The following HERC5 variants were observed in gnomAD, a reference collection of about 807,000 sequenced individuals.
HERC5 encodes the protein E3 ISG15--protein ligase HERC5.
In HERC5, 99 loss-of-function variants were observed where a neutral mutation model predicts 119.6. That is an observed-to-expected ratio of 0.83 (90% CI 0.70 to 0.98). The LOEUF (loss-of-function observed/expected upper bound fraction) is 0.98, where lower values mean the gene tolerates loss of function less well. HERC5 is among the 50% of genes least tolerant of loss of function. HERC5 has a pLI of 0.00. For missense variants in HERC5, 1,267 were observed against 1,241.3 expected (o/e 1.02, Z -0.31); for synonymous variants, 478 against 445.9 (o/e 1.07, Z -0.91).
rs1742084102 is a variant in HERC5, at chr4:88,505,656, TTTA to T, written c.2870-14_2870-12del. On this transcript the variant is annotated splice_polypyrimidine_tract_variant and intron_variant, in intron 22 of 22. Transcript: ENST00000264350. ...CTCCATGTAAAACAGATTGCCTAATTTTATTCTTCTTTTTAGTATTTCTTACAG... is the reference window on the plus strand; with the variant it reads ...CTCCATGTAAAACAGATTGCCTAATTTTCTTCTTTTTAGTATTTCTTACAG... 3.5e-6 allele frequency: 5 copies of T among 1,438,068 alleles called. No individual in the cohort carries two copies. The South Asian group carries it at 6.1e-5, about 18-fold the overall frequency. The allele number at this position is 1,438,068 out of a possible 1,614,324, so 89.1% of individuals were successfully genotyped here. A position where few individuals can be genotyped will look rare whatever the true frequency, so the allele number is the denominator to read the frequency against.
At chr4:88,486,611 G>A (rs1357848011) in intron 14 of HERC5, among the ~76,000 whole-genome samples, 1 of 152,176 alleles carries the variant, frequency 6.6e-6, no homozygotes, top group African/African-American at 2.4e-5. Context: ...TGAAAATACA[G>A]TTGAAGGGCT....
At chr4:88,488,479 G>C (rs926297440) in intron 15 of HERC5, among the ~76,000 whole-genome samples, 1 of 151,994 alleles carries the variant, frequency 6.6e-6, no homozygotes, top group Non-Finnish European at 1.5e-5. Context: ...TGATCCGCCC[G>C]CCTCAGCCTC....
intron 18 of HERC5, among the ~76,000 whole-genome samples, chr4:88,498,199 C>T (rs1741851347): frequency 6.6e-6 from 1 of 152,180 alleles, no homozygotes; most frequent in South Asian, 2.1e-4. Context: ...AGAGCCCCCA[C>T]TAAGGCAATG....
At chr4:88,486,374 G>GA in intron 14 of HERC5, 146 bp downstream of exon 14, 1 of 549,304 alleles carries the variant, frequency 1.8e-6, no homozygotes, top group Non-Finnish European at 3.3e-6. Flanking sequence ...TTTGCAGTCA[G>GA]AGTTCCAGCA....
intron 1 of HERC5, 75 bp downstream of exon 1, chr4:88,457,609 C>G (rs1578459675): frequency 8.2e-7 from 1 of 1,213,270 alleles, no homozygotes; most frequent in Non-Finnish European, 1.0e-6. Context: ...GGCGGGCAGC[C>G]GGGGGTCCGC....
chr4:88,483,639 G>A (rs377553054), intron 13 of HERC5, among the ~76,000 whole-genome samples: 8 of 147,858 alleles, frequency 5.4e-5, no homozygotes, highest in Admixed American at 4.9e-4. Context: ...AGCTATCGTC[G>A]TGCCTCAGCT....
intron 6 of HERC5, among the ~76,000 whole-genome samples, 183 bp downstream of exon 6, chr4:88,464,168 A>ATTTTTTTTTTTTTTT (rs374132307): frequency 9.0e-6 from 1 of 111,218 alleles, no homozygotes; most frequent in Non-Finnish European, 1.9e-5. Flanking sequence ...GTTTTCTTTG[A>ATTTTTTTTTTTTTTT]TTTTTTTTTT....
intron 6 of HERC5, among the ~76,000 whole-genome samples, chr4:88,465,075 C>T (rs560616194): frequency 2.6e-5 from 4 of 152,138 alleles, no homozygotes; most frequent in East Asian, 1.9e-4. Flanking sequence ...TGGCCACAAC[C>T]GGCTAATTTT....
At chr4:88,497,858 GC>G (rs1741842570) in intron 18 of HERC5, among the ~76,000 whole-genome samples, 1 of 152,186 alleles carries the variant, frequency 6.6e-6, no homozygotes, top group African/African-American at 2.4e-5. Context: ...ATCACTGGGG[GC>G]TGTCACTCCC....
chr4:88,472,921 CTTTT>C (rs775630233), intron 11 of HERC5: 2 of 128,164 alleles, frequency 1.6e-5, no homozygotes, highest in Non-Finnish European at 1.7e-5. Context: ...TGCCTGGATT[CTTTT>C]TTTTTTTTTT....
At chr4:88,465,351 A>G (rs1740624069) in intron 6 of HERC5, among the ~76,000 whole-genome samples, 1 of 152,224 alleles carries the variant, frequency 6.6e-6, no homozygotes, top group South Asian at 2.1e-4. Context: ...CGTAGAGCAA[A>G]ATTCAGACTG....
intron 6 of HERC5, among the ~76,000 whole-genome samples, chr4:88,465,329 T>TC (rs936879409): frequency 4.6e-5 from 7 of 152,228 alleles, no homozygotes; most frequent in Admixed American, 6.5e-5. Flanking sequence ...GGGCAGTTTT[T>TC]CCCTCACTAA....
chr4:88,460,114 GAAA>G lies in HERC5; in HGVS notation c.416_418del (p.Lys139del). 2 of 1,553,884 alleles carry G rather than the reference GAAA, an allele frequency of 1.3e-6. No individual in the cohort carries two copies. Among genetic ancestry groups the G allele is most frequent in the Non-Finnish European group, 8.8e-7 (1 of 1,133,314 alleles). ...CATCAGGTTTGAAAGCATTTTACAAGAAAAAAAAATAATTCAGATCACATGTGG... is the reference window on the plus strand; with the variant it reads ...CATCAGGTTTGAAAGCATTTTACAAGAAAAAATAATTCAGATCACATGTGG... On this transcript the variant is annotated inframe_deletion, in exon 3 of 23. Transcript: ENST00000264350.
At chr4:88,495,389 A>C (rs1741768702) in intron 18 of HERC5, among the ~76,000 whole-genome samples, 1 of 151,518 alleles carries the variant, frequency 6.6e-6, no homozygotes, top group African/African-American at 2.4e-5. Flanking sequence ...TCTCTACAAA[A>C]ACAAACAAAC....
intron 19 of HERC5, 25 bp downstream of exon 19, chr4:88,500,017 CAG>C: frequency 7.0e-7 from 1 of 1,438,214 alleles, no homozygotes; most frequent in Non-Finnish European, 9.8e-7. Context: ...AAGCAGATAA[CAG>C]ATTAGTTTTA....
intron 4 of HERC5, 127 bp downstream of exon 4, chr4:88,462,483 C>G (rs920582791): frequency 3.9e-6 from 3 of 766,730 alleles, no homozygotes; most frequent in African/African-American, 3.4e-5. Context: ...GATTACCTCT[C>G]TGTCTTCAGG....
intron 12 of HERC5, 78 bp from the exon 13 acceptor site, chr4:88,479,275 A>T: frequency 8.3e-7 from 1 of 1,210,722 alleles, no homozygotes; most frequent in Non-Finnish European, 1.1e-6. Context: ...ACAGGGTGAG[A>T]CTCTGTCTCA....
At position 88,464,003 on chromosome 4, in the gene HERC5, A is replaced by G. The variant is rs1740551186; in HGVS notation, c.911+18A>G. ...TGTGGAAGGTAAGTTGTAAAGTATC[A>G]ATAAGAATTGATAAAATGAGTGCAG... On this transcript the variant is annotated intron_variant, in intron 6 of 22. Coordinates refer to ENST00000264350, the MANE Select transcript of HERC5 (RefSeq NM_016323.4). The G allele has an allele frequency of 6.2e-7, 1 of 1,604,160 alleles. No individual in the cohort carries two copies.
Position 88,486,214 on chromosome 4 carries a change from TG to T in HERC5, c.1839del (p.Trp613Ter). Reference protein sequence around the residue: ...FFVEVCRRYLWKMTVDASENV... With the variant: ...FFVEVCRRYLXKMTVDASENV... ...TGTAGAAGTATGCAGAAGGTACTTGTGGAAAATGACTGTGGTAGGTATAGCA... is the reference window on the plus strand; with the variant it reads ...TGTAGAAGTATGCAGAAGGTACTTGTGAAAATGACTGTGGTAGGTATAGCA... On this transcript the variant is annotated frameshift_variant, in exon 14 of 23. Transcript: ENST00000264350. LOFTEE classifies it high-confidence loss of function. 6 of 1,602,890 alleles carry T rather than the reference TG, an allele frequency of 3.7e-6. No homozygotes were observed. Among genetic ancestry groups the T allele is most frequent in the Non-Finnish European group, 5.1e-6 (6 of 1,170,848 alleles).
Sources: allele counts gnomAD v4.1 joint callset (sites outside exome capture counted in the v4.1 genomes callset), GRCh38; gene constraint gnomAD v4.1.1; transcripts MANE v1.5; gene names NCBI Gene and HGNC (gene_info 2026-07-23, HGNC 2026-07-21).